The following AXDND1 variants were observed in gnomAD, a reference collection of about 807,000 sequenced individuals.
AXDND1 encodes the protein axonemal dynein light chain domain containing 1.
AXDND1 carries 110 observed loss-of-function variants against 137.5 expected under a neutral mutation model. The ratio of observed to expected loss-of-function variants is 0.80; its 90% CI spans 0.69 to 0.94. The LOEUF (loss-of-function observed/expected upper bound fraction) is 0.94. Among genes scored for constraint, AXDND1 ranks in the 40% least tolerant of loss-of-function variants. The probability of loss-of-function intolerance (pLI) is 0.00; values close to 1 mark genes in which losing one functional copy is unlikely to be tolerated. For missense variants in AXDND1, 1,191 were observed against 1,169.8 expected (o/e 1.02, Z -0.26); for synonymous variants, 414 against 399.7 (o/e 1.04, Z -0.43).
At chr1:179,405,349 C>T (rs1250769098) in intron 11 of AXDND1, among the ~76,000 whole-genome samples, 1 of 152,122 alleles carries the variant, frequency 6.6e-6, no homozygotes, top group Non-Finnish European at 1.5e-5. Flanking sequence ...GGTTCCAAAT[C>T]TTTGCTATTG....
At chr1:179,398,248 T>C (rs1259654236) in intron 11 of AXDND1, among the ~76,000 whole-genome samples, 2 of 152,152 alleles carry the variant, frequency 1.3e-5, no homozygotes. Context: ...TTCTGGAAGA[T>C]TCTAGGGGGC....
At chr1:179,518,258 T>G (rs1351189456) in intron 21 of AXDND1, among the ~76,000 whole-genome samples, 1 of 152,226 alleles carries the variant, frequency 6.6e-6, no homozygotes, top group East Asian at 1.9e-4. Context: ...TTTCCAACAT[T>G]TAAAAACAGC....
intron 7 of AXDND1, among the ~76,000 whole-genome samples, 189 bp downstream of exon 7, chr1:179,382,945 T>C (rs1379784050): frequency 6.6e-6 from 1 of 152,162 alleles, no homozygotes; most frequent in Non-Finnish European, 1.5e-5. Context: ...ATATATTTCA[T>C]TTGTCTAATT....
chr1:179,488,602 C>T (rs150340151), intron 18 of AXDND1, among the ~76,000 whole-genome samples: 1,481 of 87,312 alleles, frequency 0.017, 137 homozygotes, highest in Non-Finnish European at 0.018. Flanking sequence ...TTCTTTCTTT[C>T]TTTTTCTTTC....
At chr1:179,369,197 C>T (rs1571502193) in intron 3 of AXDND1, among the ~76,000 whole-genome samples, 1 of 152,274 alleles carries the variant, frequency 6.6e-6, no homozygotes, top group East Asian at 1.9e-4. Flanking sequence ...CCCACCTCAG[C>T]TTCCTGAGTA....
At chr1:179,487,995 C>G (rs1307645793) in intron 18 of AXDND1, among the ~76,000 whole-genome samples, 1 of 101,524 alleles carries the variant, frequency 9.8e-6, no homozygotes, top group Non-Finnish European at 1.9e-5. Flanking sequence ...GACCATGTCT[C>G]AAAAAAAAAA....
At chr1:179,518,846 A>G (rs1669795287) in intron 21 of AXDND1, among the ~76,000 whole-genome samples, 1 of 152,204 alleles carries the variant, frequency 6.6e-6, no homozygotes, top group South Asian at 2.1e-4. Flanking sequence ...GCTGCAGTGA[A>G]CATATGCATG....
chr1:179,538,974 G>T (rs1246313786), intron 25 of AXDND1, among the ~76,000 whole-genome samples: 1 of 151,798 alleles, frequency 6.6e-6, no homozygotes. Flanking sequence ...TTTGATCTTT[G>T]TTGGTTTAAA....
At chr1:179,533,901 TA>T in intron 24 of AXDND1, 24 bp downstream of exon 24, 1 of 1,596,786 alleles carries the variant, frequency 6.3e-7, no homozygotes, top group Non-Finnish European at 8.6e-7. Flanking sequence ...AACACAATGG[TA>T]AGAGGATGAA....
At chr1:179,438,508 A>G (rs1328390188) in intron 15 of AXDND1, among the ~76,000 whole-genome samples, 2 of 152,192 alleles carry the variant, frequency 1.3e-5, no homozygotes, top group Admixed American at 1.3e-4. Flanking sequence ...AGGACATCAC[A>G]ACAGAAGTTA....
chr1:179,382,085 A>G (rs1394924239), intron 6 of AXDND1, among the ~76,000 whole-genome samples: 2 of 138,324 alleles, frequency 1.4e-5, no homozygotes, highest in African/African-American at 5.5e-5. Context: ...CTTTATTTTT[A>G]TTTTTTATTT....
chr1:179,491,507 G>C (rs374264260), intron 18 of AXDND1, 31 bp from the exon 19 acceptor site: 7 of 1,397,852 alleles, frequency 5.0e-6, no homozygotes, highest in Non-Finnish European at 7.0e-6. Context: ...ATTTAAAGTG[G>C]GTCATTTGTA....
At chr1:179,421,532 C>T (rs888125146) in intron 12 of AXDND1, among the ~76,000 whole-genome samples, 3 of 151,454 alleles carry the variant, frequency 2.0e-5, no homozygotes, top group Non-Finnish European at 4.4e-5. Flanking sequence ...TACAGGTGTG[C>T]ACCACCATGC....
intron 12 of AXDND1, among the ~76,000 whole-genome samples, chr1:179,424,256 A>G (rs1392457335): frequency 1.3e-5 from 2 of 150,968 alleles, no homozygotes; most frequent in Admixed American, 1.3e-4. Context: ...TTAACATGTT[A>G]TTTGCTTCTT....
chr1:179,479,648 G>C (rs1218255123), intron 17 of AXDND1, among the ~76,000 whole-genome samples: 1 of 144,482 alleles, frequency 6.9e-6, no homozygotes, highest in African/African-American at 2.6e-5. Flanking sequence ...ATGGTGGTGG[G>C]TGCCTGTAAT....
At chr1:179,471,576 A>G (rs1201834418) in intron 17 of AXDND1, among the ~76,000 whole-genome samples, 1 of 152,198 alleles carries the variant, frequency 6.6e-6, no homozygotes, top group Non-Finnish European at 1.5e-5. Context: ...TCCAATTCTA[A>G]TAATTTGAGC....
At chr1:179,457,171 C>T in intron 16 of AXDND1, 1 of 782,882 alleles carries the variant, frequency 1.3e-6, no homozygotes, top group Admixed American at 1.7e-5. Flanking sequence ...ACCCAAAGCC[C>T]CTGGAGTGCT....
intron 25 of AXDND1, among the ~76,000 whole-genome samples, chr1:179,553,630 T>C (rs1285726853): frequency 6.6e-6 from 1 of 152,236 alleles, no homozygotes; most frequent in African/African-American, 2.4e-5. Flanking sequence ...ACTTAACAAG[T>C]ACAGGCTTCC....
intron 3 of AXDND1, among the ~76,000 whole-genome samples, chr1:179,369,621 C>T (rs1667830097): frequency 6.6e-6 from 1 of 151,682 alleles, no homozygotes; most frequent in African/African-American, 2.4e-5. Flanking sequence ...CATTGCCCTC[C>T]AGCCTGGACC....
Sources: gnomAD v4.1 joint callset for allele counts (sites outside exome capture counted in the v4.1 genomes callset) on GRCh38, gnomAD v4.1.1 for gene constraint, MANE v1.5 for transcripts, NCBI Gene and HGNC (gene_info 2026-07-23, HGNC 2026-07-21) for gene names.